ZNF90: variants seen among roughly 807,000 people sequenced by gnomAD.
ZNF90 encodes the protein zinc finger protein 90.
ZNF90 carries 11 observed loss-of-function variants against 12.0 expected under a neutral mutation model. That is an observed-to-expected ratio of 0.92 (90% CI 0.58 to 1.52). The LOEUF (loss-of-function observed/expected upper bound fraction) is 1.52. Ranked by LOEUF, ZNF90 falls within the 40% of genes most tolerant of loss-of-function variation. The pLI, the probability that ZNF90 is intolerant of heterozygous loss-of-function variation, is 0.00. For synonymous variants in ZNF90, 232 were observed against 240.1 expected (o/e 0.97, Z 0.31); for missense variants, 765 against 711.5 (o/e 1.08, Z -0.86).
chr19:20,108,080 C>G (rs933920858), intron 3 of ZNF90, among the ~76,000 whole-genome samples: 1 of 152,064 alleles, frequency 6.6e-6, no homozygotes, highest in East Asian at 1.9e-4. Flanking sequence ...AGTTGGATTA[C>G]AGCAGTTGCG....
chr19:20,083,883 G>A (rs1336108415), intron 1 of ZNF90, among the ~76,000 whole-genome samples: 1 of 152,028 alleles, frequency 6.6e-6, no homozygotes, highest in Non-Finnish European at 1.5e-5. Context: ...ACAAGTAGCT[G>A]GGACTACACA....
At chr19:20,112,351 T>C (rs1290121134) in intron 3 of ZNF90, among the ~76,000 whole-genome samples, 2 of 151,866 alleles carry the variant, frequency 1.3e-5, no homozygotes, top group African/African-American at 4.8e-5. Flanking sequence ...AGATGGAGTC[T>C]TTCTCTGGCA....
intron 1 of ZNF90, among the ~76,000 whole-genome samples, chr19:20,099,436 A>T (rs559775001): frequency 6.6e-6 from 1 of 152,318 alleles, no homozygotes; most frequent in East Asian, 1.9e-4. Flanking sequence ...CCTCAATCAC[A>T]TGGGAGGAAC....
chr19:20,085,291 G>A (rs1198246453), intron 1 of ZNF90, among the ~76,000 whole-genome samples: 3 of 51,662 alleles, frequency 5.8e-5, no homozygotes, highest in African/African-American at 2.9e-4. Flanking sequence ...ACGGAGTCTC[G>A]CTCTTTGGCC....
chr19:20,116,057 C>G (rs1235588093), intron 3 of ZNF90, among the ~76,000 whole-genome samples: 1 of 152,008 alleles, frequency 6.6e-6, no homozygotes, highest in Non-Finnish European at 1.5e-5. Context: ...ATTTTTAGTA[C>G]AGACAGGGTT....
In ZNF90 at chr19:20,080,794, G is replaced by A. The variant is rs189841914; in HGVS notation, c.3+2659G>A. 3.9e-5 allele frequency among the ~76,000 whole-genome samples: 6 copies of A among 152,190 alleles called. No homozygotes were observed. In the South Asian group the frequency reaches 1.2e-3, roughly 32 times the overall value. ...ATGTTGTGGGACTGAGCACTGAAAC[G>A]GGGTCTGTGCTGACTCTGGGTGGTG... On this transcript the variant is annotated intron_variant, in intron 1 of 3. Coordinates refer to ENST00000418063, the MANE Select transcript of ZNF90 (RefSeq NM_007138.2).
intron 1 of ZNF90, among the ~76,000 whole-genome samples, chr19:20,086,790 A>C (rs2088862931): frequency 6.6e-6 from 1 of 152,228 alleles, no homozygotes; most frequent in Non-Finnish European, 1.5e-5. Flanking sequence ...TGTTACATTA[A>C]GTAGATATTA....
chr19:20,111,708 T>C (rs1276547836), intron 3 of ZNF90, among the ~76,000 whole-genome samples: 1 of 152,188 alleles, frequency 6.6e-6, no homozygotes, highest in Non-Finnish European at 1.5e-5. Context: ...TTTGTAATCA[T>C]CTTGAAATGT....
intron 1 of ZNF90, among the ~76,000 whole-genome samples, chr19:20,083,528 T>C (rs1393071959): frequency 2.0e-5 from 3 of 152,068 alleles, no homozygotes; most frequent in Non-Finnish European, 4.4e-5. Flanking sequence ...GGTTTCTCCA[T>C]GTTGGTCAGG....
intron 1 of ZNF90, among the ~76,000 whole-genome samples, chr19:20,086,047 GT>G (rs1320344960): frequency 6.6e-6 from 1 of 152,028 alleles, no homozygotes; most frequent in Non-Finnish European, 1.5e-5. Context: ...ATGATCCAAG[GT>G]AATTATCCAA....
chr19:20,080,503 TG>T, intron 1 of ZNF90: 1 of 266,908 alleles, frequency 3.7e-6, no homozygotes. Context: ...CCCCTGGACT[TG>T]CAGCGTTTGT....
In ZNF90 at chr19:20,120,461, C is replaced by T. The variant is rs921230556; in HGVS notation, c.*1101C>T. Among the ~76,000 whole-genome samples the T allele has an allele frequency of 3.9e-5, 6 of 152,056 alleles. No homozygotes were observed. The highest frequency in any genetic ancestry group is 6.6e-5 in the Admixed American group (1 of 15,258). ...AAGCAGTTGCTCCAGCTTTGTTCAA[C>T]AACAGGGAATTTATGTTAGAGAAGA... On this transcript the variant is annotated 3_prime_UTR_variant, in exon 4 of 4. Coordinates refer to ENST00000418063, the MANE Select transcript of ZNF90 (RefSeq NM_007138.2).
chr19:20,084,723 T>G (rs1486871331), intron 1 of ZNF90, among the ~76,000 whole-genome samples: 1 of 152,230 alleles, frequency 6.6e-6, no homozygotes, highest in Admixed American at 6.5e-5. Flanking sequence ...ATTTTTCTTT[T>G]AATTTCTCTA....
chr19:20,098,428 T>C (rs1471823268), intron 1 of ZNF90, among the ~76,000 whole-genome samples: 1 of 152,228 alleles, frequency 6.6e-6, no homozygotes, highest in East Asian at 1.9e-4. Context: ...GGAACTAGCA[T>C]CTGATGGCAG....
chr19:20,110,578 T>C lies in ZNF90; in HGVS notation c.226+5262T>C, dbSNP rs1339243557. On this transcript the variant is annotated intron_variant, in intron 3 of 3. Transcript: ENST00000418063. ...CTGCACCTGGACTTTGTTACATATTTTGGATATAGATTTCTAAATGAGGAA... is the reference window on the plus strand; with the variant it reads ...CTGCACCTGGACTTTGTTACATATTCTGGATATAGATTTCTAAATGAGGAA... Among the ~76,000 whole-genome samples the C allele has an allele frequency of 5.3e-5, 8 of 152,180 alleles. No homozygotes were observed. In the East Asian group the frequency reaches 1.3e-3, roughly 26 times the overall value.
chr19:20,079,432 A>T (rs1487045159), intron 1 of ZNF90, among the ~76,000 whole-genome samples: 1 of 152,102 alleles, frequency 6.6e-6, no homozygotes, highest in African/African-American at 2.4e-5. Flanking sequence ...GACTTTGTAA[A>T]ATAAAAACGT....
rs559217848 is a variant in ZNF90 at position 20,092,828 on chromosome 19, T to A, written c.4-11411T>A. Among the ~76,000 whole-genome samples, 4 of 152,210 alleles carry A rather than the reference T, an allele frequency of 2.6e-5. No individual in the cohort carries two copies. In the South Asian group the frequency reaches 8.3e-4, roughly 32 times the overall value. ...CCGATATCCTTTGGAGAATAAACAC[T>A]GAAGGAGCAGAAGTGTGTCTTGTTG... On this transcript the variant is annotated intron_variant, in intron 1 of 3. Coordinates refer to ENST00000418063, the MANE Select transcript of ZNF90 (RefSeq NM_007138.2).
intron 3 of ZNF90, among the ~76,000 whole-genome samples, chr19:20,112,095 G>C (rs147946152): frequency 1.8e-4 from 28 of 152,082 alleles, no homozygotes; most frequent in African/African-American, 6.3e-4. Flanking sequence ...CTGACCTTGT[G>C]ATTCACCCGC....
At chr19:20,103,173 G>A (rs534915383) in intron 1 of ZNF90, among the ~76,000 whole-genome samples, 22 of 152,298 alleles carry the variant, frequency 1.4e-4, no homozygotes, top group African/African-American at 4.1e-4. Flanking sequence ...GGGAGCCCAC[G>A]CTGTTTATTG....
Sources: gnomAD v4.1 joint callset for allele counts (sites outside exome capture counted in the v4.1 genomes callset) on GRCh38, gnomAD v4.1.1 for gene constraint, MANE v1.5 for transcripts, NCBI Gene and HGNC (gene_info 2026-07-23, HGNC 2026-07-21) for gene names.